Variants in CFAP20DC observed in about 807,000 individuals in gnomAD.
The protein encoded by CFAP20DC is protein CFAP20DC.
In CFAP20DC, 84 loss-of-function variants were observed where a neutral mutation model predicts 101.7. That is an observed-to-expected ratio of 0.83 (90% CI 0.69 to 0.99). CFAP20DC has a LOEUF of 0.99. CFAP20DC is among the 50% of genes least tolerant of loss of function. The pLI, the probability that CFAP20DC is intolerant of heterozygous loss-of-function variation, is 0.00. For synonymous variants in CFAP20DC, 359 were observed against 351.2 expected, an observed-to-expected ratio of 1.02 and a Z score of -0.25; for missense variants, 1,007 against 970.3, an observed-to-expected ratio of 1.04 and a Z score of -0.50.
chr3:59,048,337 A>C (rs958416082), intron 1 of CFAP20DC, among the ~76,000 whole-genome samples: 2 of 152,248 alleles, frequency 1.3e-5, no homozygotes, highest in African/African-American at 4.8e-5. Context: ...ACTTGGAGGT[A>C]AGACATTTAA....
intron 3 of CFAP20DC, among the ~76,000 whole-genome samples, chr3:59,045,242 A>G (rs1249757090): frequency 6.6e-6 from 1 of 152,080 alleles, no homozygotes; most frequent in Non-Finnish European, 1.5e-5. Flanking sequence ...CACATAAAGC[A>G]CAGAACCTAT....
intron 4 of CFAP20DC, among the ~76,000 whole-genome samples, chr3:58,949,735 T>C (rs2089861426): frequency 6.6e-6 from 1 of 152,102 alleles, no homozygotes; most frequent in African/African-American, 2.4e-5. Flanking sequence ...TGCTAAAAAC[T>C]CTCAATAAAA....
intron 13 of CFAP20DC, among the ~76,000 whole-genome samples, chr3:58,835,812 A>C (rs138240241): frequency 0.013 from 1,978 of 152,328 alleles, 35 homozygotes; most frequent in African/African-American, 0.044. Flanking sequence ...TATTTTTAAG[A>C]AGCTTTGCAA....
Position 58,742,144 on chromosome 3 carries a change from A to G in CFAP20DC, c.*316T>C, listed in dbSNP as rs931168457. On this transcript the variant is annotated 3_prime_UTR_variant, in exon 17 of 17. Transcript: ENST00000482387. The stretch of plus-strand genomic sequence containing the variant: ...TTAACACTGCAAAAAATTTGAATGA[A>G]TAACTCTTAATTTGTTTACATAAAA... 5.5e-5 allele frequency: 50 copies of G among 910,258 alleles called. No homozygotes were observed. The highest frequency in any genetic ancestry group is 1.2e-4 in the African/African-American group (7 of 56,008). The allele number at this position is 910,258 out of a possible 1,614,324, so 56.4% of individuals were successfully genotyped here.
intron 4 of CFAP20DC, among the ~76,000 whole-genome samples, chr3:59,035,952 C>T (rs145412822): frequency 1.5e-3 from 225 of 151,222 alleles, no homozygotes; most frequent in African/African-American, 5.0e-3. Flanking sequence ...GCTTATCCAC[C>T]ACAATCAAGT....
intron 14 of CFAP20DC, chr3:58,824,490 C>G (rs961051679): frequency 1.3e-5 from 2 of 152,070 alleles, no homozygotes; most frequent in African/African-American, 4.8e-5. Context: ...TTTCCATGAT[C>G]AAGCTGCTAG....
intron 6 of CFAP20DC, among the ~76,000 whole-genome samples, chr3:58,886,478 C>A (rs1222845187): frequency 6.6e-6 from 1 of 151,968 alleles, no homozygotes; most frequent in Admixed American, 6.6e-5. Flanking sequence ...GTAATCCCAG[C>A]ACTTTGGGAG....
intron 16 of CFAP20DC, among the ~76,000 whole-genome samples, chr3:58,742,865 TAA>T (rs2067955667): frequency 6.6e-6 from 1 of 152,058 alleles, no homozygotes; most frequent in Admixed American, 6.5e-5. Context: ...CCAAAAGACT[TAA>T]GAGTTATGCT....
chr3:58,840,814 C>A (rs773634084), intron 13 of CFAP20DC, among the ~76,000 whole-genome samples: 1 of 152,170 alleles, frequency 6.6e-6, no homozygotes, highest in Non-Finnish European at 1.5e-5. Context: ...TCAAAACAAC[C>A]TTGTGGGATA....
chr3:58,854,271 C>A (rs1426979629), intron 12 of CFAP20DC, among the ~76,000 whole-genome samples: 1 of 151,696 alleles, frequency 6.6e-6, no homozygotes, highest in Non-Finnish European at 1.5e-5. Flanking sequence ...AGGAATCCAA[C>A]TTACAAGGGA....
intron 4 of CFAP20DC, among the ~76,000 whole-genome samples, chr3:58,982,510 G>T (rs1194831975): frequency 6.6e-6 from 1 of 151,936 alleles, no homozygotes; most frequent in Admixed American, 6.6e-5. Context: ...TATACACCAT[G>T]GAATACTATG....
At chr3:58,930,287 A>C (rs2086464141) in intron 5 of CFAP20DC, among the ~76,000 whole-genome samples, 1 of 151,980 alleles carries the variant, frequency 6.6e-6, no homozygotes, top group African/African-American at 2.4e-5. Context: ...GACTGCAAAA[A>C]ACTTCCTCAC....
chr3:58,872,867 T>G (rs2080353131), intron 7 of CFAP20DC, among the ~76,000 whole-genome samples: 1 of 151,480 alleles, frequency 6.6e-6, no homozygotes, highest in South Asian at 2.1e-4. Context: ...GAAGTCTGGA[T>G]AGCTATGCTG....
At chr3:58,966,534 AT>A (rs57954252) in intron 4 of CFAP20DC, among the ~76,000 whole-genome samples, 13,610 of 147,898 alleles carry the variant, frequency 0.092, 2,113 homozygotes, top group African/African-American at 0.32. Flanking sequence ...ATATATATAT[AT>A]TTTTTTTAGA....
chr3:58,938,842 T>C (rs1290147749), intron 4 of CFAP20DC, among the ~76,000 whole-genome samples: 1 of 152,184 alleles, frequency 6.6e-6, no homozygotes, highest in African/African-American at 2.4e-5. Flanking sequence ...TTTCAGAGTA[T>C]GCTCCAGACC....
intron 13 of CFAP20DC, among the ~76,000 whole-genome samples, chr3:58,845,340 G>A (rs1361882403): frequency 4.0e-5 from 6 of 151,828 alleles, no homozygotes; most frequent in East Asian, 1.9e-4. Context: ...TATCACCACC[G>A]ATCCCACAGA....
intron 6 of CFAP20DC, among the ~76,000 whole-genome samples, chr3:58,906,116 A>C (rs1185398523): frequency 2.0e-5 from 3 of 152,188 alleles, no homozygotes; most frequent in South Asian, 4.1e-4. Flanking sequence ...CATCTCACAG[A>C]GTTGTTATGA....
At chr3:58,949,809 G>A (rs547369509) in intron 4 of CFAP20DC, among the ~76,000 whole-genome samples, 8 of 152,238 alleles carry the variant, frequency 5.3e-5, no homozygotes, top group South Asian at 2.1e-4. Context: ...CCCACAGCCA[G>A]TATCATACTG....
intron 14 of CFAP20DC, among the ~76,000 whole-genome samples, chr3:58,808,599 A>C (rs1046367203): frequency 1.3e-5 from 2 of 152,220 alleles, no homozygotes; most frequent in Admixed American, 1.3e-4. Flanking sequence ...AGTACCAGCC[A>C]CTGCAAAATC....
Sources: allele counts gnomAD v4.1 joint callset (sites outside exome capture counted in the v4.1 genomes callset), GRCh38; gene constraint gnomAD v4.1.1; transcripts MANE v1.5; gene names NCBI Gene and HGNC (gene_info 2026-07-23, HGNC 2026-07-21).